The following SCHIP1 variants were observed in gnomAD, a reference collection of about 807,000 sequenced individuals.
The protein encoded by SCHIP1 is schwannomin-interacting protein 1.
Under a neutral mutation model 29.7 loss-of-function variants are expected in SCHIP1, and 8 were observed. That is an observed-to-expected ratio of 0.27 (90% CI 0.16 to 0.49). SCHIP1 has a LOEUF of 0.49. Among genes scored for constraint, SCHIP1 ranks in the 20% least tolerant of loss-of-function variants. The pLI, the probability that SCHIP1 is intolerant of heterozygous loss-of-function variation, is 0.99. For missense variants in SCHIP1, 193 were observed against 294.6 expected (o/e 0.66, Z 2.52); for synonymous variants, 76 against 94.9 (o/e 0.80, Z 1.16).
chr3:159,453,126 G>A, the SCHIP1 span, among the ~76,000 whole-genome samples: 2 of 152,170 alleles, frequency 1.3e-5, no homozygotes, highest in East Asian at 1.9e-4. Context: ...CTCCAGTTAG[G>A]GTTTCCCAAC....
the SCHIP1 span, among the ~76,000 whole-genome samples, chr3:159,297,592 A>G: frequency 6.6e-6 from 1 of 152,086 alleles, no homozygotes; most frequent in Non-Finnish European, 1.5e-5. Flanking sequence ...AGCAATGATG[A>G]TGGTAAAATG....
At chr3:159,589,645 T>C in the SCHIP1 span, among the ~76,000 whole-genome samples, 2 of 152,186 alleles carry the variant, frequency 1.3e-5, no homozygotes, top group Non-Finnish European at 2.9e-5. Context: ...TACACATGTG[T>C]ACTAAGCGTT....
chr3:159,530,318 C>T, the SCHIP1 span, among the ~76,000 whole-genome samples: 1 of 152,152 alleles, frequency 6.6e-6, no homozygotes, highest in African/African-American at 2.4e-5. Context: ...TCCCAGCTCT[C>T]TCTTCACAAT....
the SCHIP1 span, among the ~76,000 whole-genome samples, chr3:159,466,320 A>G: frequency 6.6e-6 from 1 of 152,066 alleles, no homozygotes; most frequent in African/African-American, 2.4e-5. Flanking sequence ...CTGTCTCAAG[A>G]AAGAAAGAAA....
the SCHIP1 span, among the ~76,000 whole-genome samples, chr3:159,760,128 T>C: frequency 6.6e-6 from 1 of 152,110 alleles, no homozygotes; most frequent in Non-Finnish European, 1.5e-5. Context: ...CAATGTGAAA[T>C]TGCATTTTTG....
chr3:159,355,360 G>A, the SCHIP1 span, among the ~76,000 whole-genome samples: 2 of 152,278 alleles, frequency 1.3e-5, no homozygotes, highest in African/African-American at 4.8e-5. Context: ...TCCCAATGCA[G>A]CATCTCTCTT....
At chr3:159,414,741 G>A in the SCHIP1 span, among the ~76,000 whole-genome samples, 3 of 152,246 alleles carry the variant, frequency 2.0e-5, no homozygotes, top group Non-Finnish European at 4.4e-5. Flanking sequence ...AATGGTATGG[G>A]GTTGGAGGGC....
the SCHIP1 span, among the ~76,000 whole-genome samples, chr3:159,550,063 C>A: frequency 8.0e-6 from 1 of 124,362 alleles, no homozygotes; most frequent in African/African-American, 3.0e-5. Context: ...TTTCTCTTAT[C>A]TTAAGATATC....
intron 1 of SCHIP1, among the ~76,000 whole-genome samples, chr3:159,842,997 C>CTTTTTTTTTT (rs1440922016): frequency 0.017 from 1,052 of 61,518 alleles, 150 homozygotes; most frequent in African/African-American, 0.03. Context: ...CCCAATATTT[C>CTTTTTTTTTT]TTTCTTTTTT....
chr3:159,347,822 G>A, the SCHIP1 span, among the ~76,000 whole-genome samples: 2 of 152,048 alleles, frequency 1.3e-5, no homozygotes, highest in African/African-American at 4.8e-5. Context: ...TGTTAAAATA[G>A]CCCTACAAAG....
intron 1 of SCHIP1, among the ~76,000 whole-genome samples, chr3:159,842,887 C>T (rs1045677138): frequency 6.6e-6 from 1 of 151,858 alleles, no homozygotes; most frequent in Non-Finnish European, 1.5e-5. Context: ...CTACCCCCAT[C>T]CATTACTCTC....
At chr3:159,796,610 T>C in the SCHIP1 span, among the ~76,000 whole-genome samples, 18 of 152,184 alleles carry the variant, frequency 1.2e-4, no homozygotes, top group Non-Finnish European at 2.2e-4. Flanking sequence ...CCTGACACTT[T>C]TTAGTTCATG....
the SCHIP1 span, among the ~76,000 whole-genome samples, chr3:159,338,628 T>C: frequency 6.6e-6 from 1 of 152,068 alleles, no homozygotes; most frequent in Non-Finnish European, 1.5e-5. Flanking sequence ...CAAGGGTAGA[T>C]TCAGAAAGAC....
At chr3:159,273,821 A>G in the SCHIP1 span, 10 of 1,613,394 alleles carry the variant, frequency 6.2e-6, no homozygotes, top group Admixed American at 1.7e-5. Flanking sequence ...CTTCAGCACC[A>G]TGGAGAGGTC....
chr3:159,608,755 A>G, the SCHIP1 span, among the ~76,000 whole-genome samples: 1 of 152,190 alleles, frequency 6.6e-6, no homozygotes, highest in East Asian at 1.9e-4. Context: ...TCTGGGCCTC[A>G]GTTTCCCCAT....
the SCHIP1 span, among the ~76,000 whole-genome samples, chr3:159,724,855 TG>T: frequency 6.6e-6 from 1 of 152,268 alleles, no homozygotes; most frequent in African/African-American, 2.4e-5. Context: ...TGTAACTCAA[TG>T]GGAATTCAGT....
At chr3:159,423,476 A>T in the SCHIP1 span, among the ~76,000 whole-genome samples, 1 of 152,190 alleles carries the variant, frequency 6.6e-6, no homozygotes, top group African/African-American at 2.4e-5. Context: ...GTCTGACATC[A>T]AACTGCAAGG....
the SCHIP1 span, chr3:159,722,236 C>T: frequency 5.7e-6 from 1 of 175,670 alleles, no homozygotes; most frequent in Admixed American, 6.4e-5. Flanking sequence ...TGTACCTTCT[C>T]TTCCACCAAC....
At chr3:159,714,143 G>A in the SCHIP1 span, among the ~76,000 whole-genome samples, 1 of 152,098 alleles carries the variant, frequency 6.6e-6, no homozygotes, top group Non-Finnish European at 1.5e-5. Flanking sequence ...AGGCTGAGGG[G>A]GAAGAATAAC....
Sources: allele counts gnomAD v4.1 joint callset (sites outside exome capture counted in the v4.1 genomes callset), GRCh38; gene constraint gnomAD v4.1.1; transcripts MANE v1.5; gene names NCBI Gene and HGNC (gene_info 2026-07-23, HGNC 2026-07-21).